Variants in KCNMA1 observed in about 807,000 individuals in gnomAD.
KCNMA1 encodes the protein Calcium-activated potassium channel subunit alpha-1.
Under a neutral mutation model 140.0 loss-of-function variants are expected in KCNMA1, and 29 were observed. That is an observed-to-expected ratio of 0.21 (90% CI 0.15 to 0.28). The LOEUF is 0.28. Among genes scored for constraint, KCNMA1 ranks in the 10% least tolerant of loss-of-function variants. The pLI, the probability that KCNMA1 is intolerant of heterozygous loss-of-function variation, is 1.00. For missense variants in KCNMA1, 880 were observed against 1,602.2 expected (o/e 0.55, Z 7.70); for synonymous variants, 612 against 611.9 (o/e 1.00, Z 0.00).
intron 20 of KCNMA1, among the ~76,000 whole-genome samples, chr10:76,965,223 G>A (rs997889895): frequency 3.9e-5 from 6 of 152,146 alleles, no homozygotes; most frequent in Non-Finnish European, 7.4e-5. Context: ...AGGAAAACTA[G>A]GATGATTTTA....
rs114339306 is a variant in KCNMA1, at chr10:76,958,289, A to T, written c.2361-4365T>A. 3.0e-3 allele frequency among the ~76,000 whole-genome samples: 464 copies of T among 152,306 alleles called. 3 individuals are homozygous for T. The highest frequency in any genetic ancestry group is 0.01 in the African/African-American group (430 of 41,556). On this transcript the variant is annotated intron_variant, in intron 20 of 27. Transcript: ENST00000286628. The stretch of plus-strand genomic sequence containing the variant: ...AGTTGAAATCAAGGACCAGGATTAG[A>T]TATTGTCTTTCACATCATAATGACA...
chr10:77,270,773 G>A (rs2064878820), intron 2 of KCNMA1, among the ~76,000 whole-genome samples: 1 of 151,758 alleles, frequency 6.6e-6, no homozygotes, highest in Non-Finnish European at 1.5e-5. Flanking sequence ...TACAGGCGTT[G>A]AGGCACCGTG....
chr10:77,471,226 C>T (rs984891613), intron 1 of KCNMA1, among the ~76,000 whole-genome samples: 23 of 150,436 alleles, frequency 1.5e-4, no homozygotes, highest in African/African-American at 5.1e-4. Flanking sequence ...ACACATTACA[C>T]ACATAACACA....
Position 77,324,971 on chromosome 10 carries a change from C to CTCTCTCTGTGTGTG in KCNMA1, c.541-73716_541-73715insCACACACAGAGAGA, listed in dbSNP as rs766240356. ...TCTCTCTCTCTCTCTCTCTCTCTCTCTGTGTGTGTGTGTGTGTGTGTGTGT... is the reference window on the plus strand; with the variant it reads ...TCTCTCTCTCTCTCTCTCTCTCTCTCTCTCTCTGTGTGTGTGTGTGTGTGTGTGTGTGTGTGTGT... On this transcript the variant is annotated intron_variant, in intron 2 of 27. Coordinates refer to ENST00000286628, the MANE Select transcript of KCNMA1 (RefSeq NM_001161352.2). 2.6e-3 allele frequency among the ~76,000 whole-genome samples: 233 copies of CTCTCTCTGTGTGTG among 90,442 alleles called. 10 individuals carry two copies. The highest frequency in any genetic ancestry group is 2.7e-3 in the Non-Finnish European group (128 of 46,694). The allele number at this position is 90,442 out of a possible 152,430, so 59.3% of individuals were successfully genotyped here. A position where few individuals can be genotyped will look rare whatever the true frequency, so the allele number is the denominator to read the frequency against.
rs117967374 is a variant in KCNMA1, at chr10:77,555,371, T to G, written c.378+81894A>C. On this transcript the variant is annotated intron_variant, in intron 1 of 27. Coordinates refer to ENST00000286628, the MANE Select transcript of KCNMA1 (RefSeq NM_001161352.2). Reference sequence around the variant, plus strand: ...ATGAGAGTATCCAGGACTGAAGACCTCATGGGGCAGAAAGAAAAAAAACAG... The same window carrying G: ...ATGAGAGTATCCAGGACTGAAGACCGCATGGGGCAGAAAGAAAAAAAACAG... 2.4e-3 allele frequency among the ~76,000 whole-genome samples: 359 copies of G among 152,072 alleles called. 8 individuals are homozygous for G. The South Asian group carries it at 0.025, about 11-fold the overall frequency.
intron 19 of KCNMA1, among the ~76,000 whole-genome samples, chr10:76,997,039 T>C (rs939624507): frequency 7.2e-5 from 11 of 152,216 alleles, no homozygotes; most frequent in African/African-American, 2.4e-4. Flanking sequence ...TCTGATTTTA[T>C]GTACTTCAAA....
At chr10:77,086,419 CAG>C in intron 11 of KCNMA1, 67 bp downstream of exon 11, 2 of 1,150,012 alleles carry the variant, frequency 1.7e-6, no homozygotes, top group Non-Finnish European at 1.3e-6. Flanking sequence ...CCCCTCAGCA[CAG>C]AGTCAGGACT....
At chr10:77,081,300 A>T (rs2096560281) in intron 12 of KCNMA1, among the ~76,000 whole-genome samples, 1 of 152,178 alleles carries the variant, frequency 6.6e-6, no homozygotes, top group Admixed American at 6.5e-5. Context: ...TGAGCAGCAA[A>T]TGGGAGACCA....
intron 3 of KCNMA1, among the ~76,000 whole-genome samples, chr10:77,208,142 C>T (rs531557448): frequency 6.6e-6 from 1 of 152,228 alleles, no homozygotes. Flanking sequence ...TACGCATCAG[C>T]TTAACCTTAT....
At chr10:77,446,305 G>A (rs1185437047) in intron 1 of KCNMA1, among the ~76,000 whole-genome samples, 2 of 152,204 alleles carry the variant, frequency 1.3e-5, no homozygotes, top group Admixed American at 6.5e-5. Flanking sequence ...CCAGGCCAAA[G>A]ACCAGCCTTT....
At chr10:77,033,229 T>G (rs2094071176) in intron 15 of KCNMA1, among the ~76,000 whole-genome samples, 1 of 152,154 alleles carries the variant, frequency 6.6e-6, no homozygotes, top group Non-Finnish European at 1.5e-5. Flanking sequence ...TAATTTAAAA[T>G]GACAGCCGCT....
chr10:77,457,178 G>T (rs1433902741), intron 1 of KCNMA1, among the ~76,000 whole-genome samples: 1 of 152,050 alleles, frequency 6.6e-6, no homozygotes, highest in Non-Finnish European at 1.5e-5. Flanking sequence ...CTAGTCATTG[G>T]CCTGCTTGCT....
chr10:77,611,674 A>G (rs2086950324), intron 1 of KCNMA1, among the ~76,000 whole-genome samples: 1 of 152,124 alleles, frequency 6.6e-6, no homozygotes, highest in South Asian at 2.1e-4. Flanking sequence ...CCCCAAGGCC[A>G]GTGTTCACCC....
At chr10:77,070,268 G>T (rs61868838) in intron 14 of KCNMA1, among the ~76,000 whole-genome samples, 8,987 of 152,136 alleles carry the variant, frequency 0.059, 373 homozygotes, top group Non-Finnish European at 0.09. Context: ...CTTGAACCCA[G>T]GAGTTTGAGA....
chr10:77,088,941 G>A (rs2153787103), intron 10 of KCNMA1, among the ~76,000 whole-genome samples: 1 of 152,320 alleles, frequency 6.6e-6, no homozygotes, highest in Admixed American at 6.5e-5. Flanking sequence ...CAGGGTTGAT[G>A]TTGTCTCTAA....
At chr10:77,491,711 T>TCACACA (rs2039931051) in intron 1 of KCNMA1, among the ~76,000 whole-genome samples, 1 of 79,556 alleles carries the variant, frequency 1.3e-5, no homozygotes, top group Non-Finnish European at 2.4e-5. Flanking sequence ...GGTTTAGAAG[T>TCACACA]CATACACACA....
intron 3 of KCNMA1, among the ~76,000 whole-genome samples, chr10:77,219,879 C>G (rs1227573914): frequency 6.6e-6 from 1 of 152,222 alleles, no homozygotes; most frequent in Non-Finnish European, 1.5e-5. Flanking sequence ...GATTGCCGAA[C>G]ACTGGCTGAG....
At chr10:77,415,713 T>C (rs1199884552) in intron 1 of KCNMA1, among the ~76,000 whole-genome samples, 1 of 152,218 alleles carries the variant, frequency 6.6e-6, no homozygotes. Context: ...AGCCTCACTC[T>C]CCTCAGCAAA....
In KCNMA1 at chr10:77,027,835, T is replaced by A; in HGVS notation, c.1916A>T (p.Asn639Ile). The A allele has an allele frequency of 6.2e-7, 1 of 1,613,938 alleles. No individual in the cohort carries two copies. Among genetic ancestry groups the A allele is most frequent in the East Asian group, 2.2e-5 (1 of 44,870 alleles). ...LMIAIEYKSANRESRILINPG... is the reference protein window; with the variant it reads ...LMIAIEYKSAIRESRILINPG... Reference sequence around the variant, plus strand: ...ACCGCAAACTTACCGGCTCTCTCGGTTGGCAGACTTGTACTCAATGGCTAT... The same window carrying A: ...ACCGCAAACTTACCGGCTCTCTCGGATGGCAGACTTGTACTCAATGGCTAT... Residue 639 changes from asparagine (N) to isoleucine (I), a missense_variant, in exon 16 of 28, where the codon AAC (asparagine) becomes ATC (isoleucine). Physicochemically the swap from Asn to Ile is moderately radical, Grantham distance 149. Around this residue, in one of 13 missense-constraint regions of KCNMA1, gnomAD observed 196 missense variants for 233.0 expected, o/e 0.84. Coordinates refer to ENST00000286628, the MANE Select transcript of KCNMA1 (RefSeq NM_001161352.2).
Sources: allele counts gnomAD v4.1 joint callset (sites outside exome capture counted in the v4.1 genomes callset), GRCh38; gene constraint gnomAD v4.1.1; regional missense constraint gnomAD v4.1.1; transcripts MANE v1.5; gene names NCBI Gene and HGNC (gene_info 2026-07-23, HGNC 2026-07-21).